The following ZFP82 variants were observed in gnomAD, a reference collection of about 807,000 sequenced individuals.
ZFP82 encodes the protein zinc finger protein 82 homolog.
ZFP82 carries 30 observed loss-of-function variants against 54.0 expected under a neutral mutation model. The ratio of observed to expected loss-of-function variants is 0.56; its 90% CI spans 0.42 to 0.75. The LOEUF is 0.75. Ranked by LOEUF, ZFP82 falls within the 30% of genes least tolerant of loss-of-function variation. The pLI is 0.00. For missense variants in ZFP82, 500 were observed against 636.8 expected, an observed-to-expected ratio of 0.79 and a Z score of 2.31; for synonymous variants, 194 against 209.5, an observed-to-expected ratio of 0.93 and a Z score of 0.64.
At chr19:36,406,710 A>G (rs575674652) in intron 3 of ZFP82, among the ~76,000 whole-genome samples, 46 of 152,342 alleles carry the variant, frequency 3.0e-4, no homozygotes, top group African/African-American at 1.1e-3. Context: ...TCTCTTGAGT[A>G]AACATTTAGG....
rs1242307930 is a variant in ZFP82, at chr19:36,391,310, G to A, written c.*1431C>T. The A allele has an allele frequency of 6.6e-6, 1 of 151,602 alleles. No homozygotes were observed. Among genetic ancestry groups the A allele is most frequent in the Non-Finnish European group, 1.5e-5 (1 of 67,918 alleles). 9.4% of individuals were successfully genotyped at this position (151,602 alleles called of 1,614,324 possible). ...ACACAGGAGCCAATTTGAGGGGATT[G>A]CCTCAAAATGCTAAATTGACAATTT... On this transcript the variant is annotated 3_prime_UTR_variant, in exon 5 of 5. Transcript: ENST00000392161.
intron 1 of ZFP82, among the ~76,000 whole-genome samples, chr19:36,417,358 G>T (rs1450710977): frequency 6.6e-6 from 1 of 152,104 alleles, no homozygotes; most frequent in East Asian, 1.9e-4. Context: ...TCTACCAAAT[G>T]GGTATGTGCA....
chr19:36,403,079 C>T (rs1294488385), intron 4 of ZFP82, among the ~76,000 whole-genome samples: 1 of 151,680 alleles, frequency 6.6e-6, no homozygotes, highest in African/African-American at 2.4e-5. Context: ...GGAGGCGGAG[C>T]TTGCAGTGAG....
intron 3 of ZFP82, among the ~76,000 whole-genome samples, chr19:36,407,545 T>C (rs999792520): frequency 3.3e-5 from 5 of 152,184 alleles, no homozygotes; most frequent in Non-Finnish European, 5.9e-5. Context: ...GATCTAGCTA[T>C]TTCCCTTACA....
In ZFP82 at chr19:36,393,431, A is replaced by G; in HGVS notation, c.909T>C (p.Leu303=). 6.2e-7 allele frequency: 1 copy of G among 1,613,936 alleles called. No individual in the cohort carries two copies. The highest frequency in any genetic ancestry group is 1.1e-5 in the South Asian group (1 of 91,080). ...QYAHLTRHQK[L]NSADRLYECK... Reference sequence around the variant, plus strand: ...ATTCATAGAGCCTGTCAGCACTATTAAGCTTCTGATGCCGAGTCAGGTGTG... The same window carrying G: ...ATTCATAGAGCCTGTCAGCACTATTGAGCTTCTGATGCCGAGTCAGGTGTG... Residue 303 remains leucine, a synonymous_variant, in exon 5 of 5, where the codon CTT becomes CTC. Transcript: ENST00000392161.
chr19:36,406,000 T>C (rs905177722), intron 3 of ZFP82, among the ~76,000 whole-genome samples: 2 of 152,192 alleles, frequency 1.3e-5, no homozygotes, highest in African/African-American at 4.8e-5. Context: ...CATGCTACCT[T>C]TTCCTTCCCT....
chr19:36,403,959 A>G (rs2145590720), intron 4 of ZFP82, among the ~76,000 whole-genome samples: 1 of 152,348 alleles, frequency 6.6e-6, no homozygotes, highest in Admixed American at 6.5e-5. Context: ...TCTGACAACT[A>G]AAAGAGTCTT....
intron 3 of ZFP82, 71 bp downstream of exon 3, chr19:36,407,816 T>C: frequency 6.5e-7 from 1 of 1,528,438 alleles, no homozygotes; most frequent in Non-Finnish European, 8.9e-7. Flanking sequence ...AAAGATACTC[T>C]TGAAATTTCC....
At position 36,389,880 on chromosome 19, in the gene ZFP82, A is replaced by G. The variant is rs73928635; in HGVS notation, c.*2861T>C. On this transcript the variant is annotated 3_prime_UTR_variant, in exon 5 of 5. Coordinates refer to ENST00000392161, the MANE Select transcript of ZFP82 (RefSeq NM_133466.4). ...CAATCCAGAGCCCATACTCCCAACT[A>G]TCTCCTTTACCAAACTCTCATACAC... Among the ~76,000 whole-genome samples the G allele has an allele frequency of 5.0e-3, 758 of 152,026 alleles. 11 individuals are homozygous for G. Among genetic ancestry groups the G allele is most frequent in the African/African-American group, 0.018 (729 of 41,420 alleles).
At position 36,409,868 on chromosome 19, in the gene ZFP82, C is replaced by A; in HGVS notation, c.-78-1G>T. On this transcript the variant is annotated splice_acceptor_variant, in intron 1 of 4. Transcript: ENST00000392161. LOFTEE classifies it low-confidence loss of function (5UTR_SPLICE). Reference sequence around the variant, plus strand: ...AAGCACCGAGTCCACAGAGGCTGATCTAGGGAGAGGAAAACAAGGCCATGA... The same window carrying A: ...AAGCACCGAGTCCACAGAGGCTGATATAGGGAGAGGAAAACAAGGCCATGA... 1 of 1,520,380 alleles carries A rather than the reference C, an allele frequency of 6.6e-7. No individual in the cohort carries two copies. Among genetic ancestry groups the A allele is most frequent in the South Asian group, 1.1e-5 (1 of 88,452 alleles). 94.2% of individuals were successfully genotyped at this position (1,520,380 alleles called of 1,614,324 possible). A position where few individuals can be genotyped will look rare whatever the true frequency, so the allele number is the denominator to read the frequency against.
At chr19:36,407,847 A>G (rs1161087845) in intron 3 of ZFP82, 40 bp downstream of exon 3, 1 of 1,589,684 alleles carries the variant, frequency 6.3e-7, no homozygotes, top group Admixed American at 1.8e-5. Context: ...GCTGATTTAC[A>G]GAGAACACAG....
intron 4 of ZFP82, among the ~76,000 whole-genome samples, chr19:36,396,847 A>AG (rs2032304150): frequency 6.6e-6 from 1 of 151,452 alleles, no homozygotes; most frequent in Non-Finnish European, 1.5e-5. Flanking sequence ...TTTCTTTAAA[A>AG]AAAAAAAAAA....
chr19:36,395,207 T>C (rs761146882), intron 4 of ZFP82: 13 of 152,178 alleles, frequency 8.5e-5, no homozygotes, highest in Non-Finnish European at 1.5e-4. Flanking sequence ...GGTAACTTTT[T>C]CTTTGTCTCT....
intron 4 of ZFP82, among the ~76,000 whole-genome samples, chr19:36,405,090 A>G (rs1371323425): frequency 6.6e-6 from 1 of 151,148 alleles, no homozygotes. Flanking sequence ...AGGCTGAGGC[A>G]GGAGAATTGC....
chr19:36,405,694 T>C (rs1182992742), intron 3 of ZFP82, 22 bp from the exon 4 acceptor site: 1 of 1,543,022 alleles, frequency 6.5e-7, no homozygotes, highest in Non-Finnish European at 8.8e-7. Context: ...AAAAGGAATA[T>C]AAGGTACATG....
chr19:36,418,004 C>T (rs1448673847), intron 1 of ZFP82, among the ~76,000 whole-genome samples: 1 of 152,146 alleles, frequency 6.6e-6, no homozygotes, highest in Non-Finnish European at 1.5e-5. Context: ...CCTCAATCTC[C>T]TCCTAGGCTC....
rs2032156932 is a variant in ZFP82 at position 36,389,400 on chromosome 19, G to GT, written c.*3340dup. Among the ~76,000 whole-genome samples, 2 of 152,162 alleles carry GT rather than the reference G, an allele frequency of 1.3e-5. No individual in the cohort carries two copies. The highest frequency in any genetic ancestry group is 1.3e-4 in the Admixed American group (2 of 15,274). ...AAAATTTAAAATATATGTAAAGATA[G>GT]TAAGAACGGCACAATGAACCCTGTG... On this transcript the variant is annotated 3_prime_UTR_variant, in exon 5 of 5. Coordinates refer to ENST00000392161, the MANE Select transcript of ZFP82 (RefSeq NM_133466.4).
chr19:36,399,524 T>C (rs1417554862), intron 4 of ZFP82, among the ~76,000 whole-genome samples: 1 of 152,236 alleles, frequency 6.6e-6, no homozygotes, highest in Non-Finnish European at 1.5e-5. Context: ...TGGCTGGTCA[T>C]GTCCTGGGGA....
chr19:36,414,291 A>G (rs1303934430), intron 1 of ZFP82, among the ~76,000 whole-genome samples: 1 of 151,104 alleles, frequency 6.6e-6, no homozygotes, highest in Non-Finnish European at 1.5e-5. Context: ...GATTTTTGAG[A>G]TTTTTGAGAT....
Sources: gnomAD v4.1 joint callset for allele counts (sites outside exome capture counted in the v4.1 genomes callset) on GRCh38, gnomAD v4.1.1 for gene constraint, MANE v1.5 for transcripts, NCBI Gene and HGNC (gene_info 2026-07-23, HGNC 2026-07-21) for gene names.